SCN2A: variants seen among roughly 807,000 people sequenced by gnomAD.
The protein encoded by SCN2A is sodium channel protein type 2 subunit alpha.
A neutral mutation model predicts 188.7 loss-of-function variants in SCN2A; 20 were observed. The ratio of observed to expected loss-of-function variants is 0.11; its 90% CI spans 0.07 to 0.15. SCN2A has a LOEUF of 0.15. Among genes scored for constraint, SCN2A ranks in the 10% least tolerant of loss-of-function variants. The pLI is 1.00. For missense variants in SCN2A, 1,278 were observed against 2,445.0 expected, an observed-to-expected ratio of 0.52 and a Z score of 10.07; for synonymous variants, 804 against 833.1, an observed-to-expected ratio of 0.97 and a Z score of 0.60.
At chr2:165,247,840 T>C (rs1041614205) in intron 1 of SCN2A, among the ~76,000 whole-genome samples, 2 of 152,194 alleles carry the variant, frequency 1.3e-5, no homozygotes, top group Admixed American at 6.5e-5. Flanking sequence ...TAGAAGACAC[T>C]GAAAAGTTAA....
intron 25 of SCN2A, among the ~76,000 whole-genome samples, chr2:165,383,399 CT>C (rs1407891566): frequency 1.3e-5 from 2 of 152,092 alleles, no homozygotes; most frequent in Non-Finnish European, 2.9e-5. Context: ...TGTAGGAGGG[CT>C]GGTGAGACTG....
intron 11 of SCN2A, among the ~76,000 whole-genome samples, chr2:165,322,822 A>G (rs1002985573): frequency 4.6e-5 from 7 of 152,208 alleles, no homozygotes; most frequent in African/African-American, 1.7e-4. Flanking sequence ...AGAAGGGTCT[A>G]TCAACAGTAT....
At chr2:165,294,480 T>C (rs1028289036) in intron 1 of SCN2A, among the ~76,000 whole-genome samples, 3 of 152,198 alleles carry the variant, frequency 2.0e-5, no homozygotes, top group Non-Finnish European at 4.4e-5. Context: ...TAAATAAAAC[T>C]GTGCAGTAGT....
intron 20 of SCN2A, chr2:165,372,901 CT>C (rs1395651293): frequency 7.6e-6 from 2 of 263,372 alleles, no homozygotes; most frequent in Non-Finnish European, 1.5e-5. Context: ...ATTTCTCTCT[CT>C]TTTTTTTCTT....
chr2:165,243,276 C>T (rs1237626548), intron 1 of SCN2A, among the ~76,000 whole-genome samples: 2 of 152,074 alleles, frequency 1.3e-5, no homozygotes, highest in African/African-American at 2.4e-5. Context: ...CCTTCAGTTT[C>T]ATTAGCACGT....
chr2:165,253,686 G>A (rs1279829553), intron 1 of SCN2A, among the ~76,000 whole-genome samples: 1 of 151,946 alleles, frequency 6.6e-6, no homozygotes, highest in African/African-American at 2.4e-5. Flanking sequence ...GCAGACTCTG[G>A]TCTATATAGT....
At chr2:165,329,460 T>G (rs1698557216) in intron 13 of SCN2A, among the ~76,000 whole-genome samples, 1 of 152,200 alleles carries the variant, frequency 6.6e-6, no homozygotes, top group Non-Finnish European at 1.5e-5. Context: ...TTGCTTTGTT[T>G]TAAAGTGTGA....
At chr2:165,249,982 C>G (rs1156279502) in intron 1 of SCN2A, among the ~76,000 whole-genome samples, 3 of 151,998 alleles carry the variant, frequency 2.0e-5, no homozygotes, top group African/African-American at 7.2e-5. Context: ...CTAATCAAAT[C>G]TAACTCAAAC....
Position 165,315,740 on chromosome 2 carries a change from A to G in SCN2A, c.1653A>G (p.Arg551=). 5.6e-6 allele frequency: 9 copies of G among 1,612,210 alleles called. No homozygotes were observed. Among genetic ancestry groups the G allele is most frequent in the Non-Finnish European group, 7.6e-6 (9 of 1,178,976 alleles). Residue 551 remains arginine (R), a synonymous_variant, in exon 11 of 27, where the codon AGA becomes AGG. Transcript: ENST00000375437. ...LEGSRLTYEK[R]FSSPHQSLLS... Reference sequence around the variant, plus strand: ...GAAGTAGGCTGACATATGAAAAGAGATTTTCTTCTCCACACCAGGTAAAAA... The same window carrying G: ...GAAGTAGGCTGACATATGAAAAGAGGTTTTCTTCTCCACACCAGGTAAAAA...
chr2:165,251,540 A>G (rs1215560066), intron 1 of SCN2A, among the ~76,000 whole-genome samples: 1 of 151,914 alleles, frequency 6.6e-6, no homozygotes, highest in Admixed American at 6.6e-5. Context: ...CTATGCCATG[A>G]GTGAGGTAAG....
intron 17 of SCN2A, among the ~76,000 whole-genome samples, chr2:165,358,157 T>G (rs1281816536): frequency 2.0e-5 from 3 of 152,204 alleles, no homozygotes; most frequent in Non-Finnish European, 4.4e-5. Context: ...GTTACAGAGT[T>G]TTGAACATAT....
chr2:165,297,291 A>G (rs1036583866), intron 3 of SCN2A, among the ~76,000 whole-genome samples, 156 bp downstream of exon 3: 12 of 152,208 alleles, frequency 7.9e-5, no homozygotes, highest in African/African-American at 2.9e-4. Flanking sequence ...ATGAGATCAC[A>G]GGTAAGTGAA....
intron 14 of SCN2A, among the ~76,000 whole-genome samples, chr2:165,339,716 A>G (rs768020376): frequency 5.9e-5 from 9 of 152,218 alleles, no homozygotes; most frequent in Non-Finnish European, 8.8e-5. Context: ...ATTCAATATT[A>G]TTAAGAAATT....
intron 16 of SCN2A, among the ~76,000 whole-genome samples, chr2:165,351,229 T>C (rs1442334135): frequency 6.6e-6 from 1 of 152,180 alleles, no homozygotes; most frequent in African/African-American, 2.4e-5. Flanking sequence ...TGAAAGTTAG[T>C]GTCTAGTGGG....
At chr2:165,329,879 A>T (rs1262592131) in intron 13 of SCN2A, among the ~76,000 whole-genome samples, 1 of 152,224 alleles carries the variant, frequency 6.6e-6, no homozygotes, top group African/African-American at 2.4e-5. Flanking sequence ...TTACAAAGTT[A>T]TGTATTAAGG....
At chr2:165,359,908 T>C (rs1184059973) in intron 17 of SCN2A, among the ~76,000 whole-genome samples, 1 of 151,990 alleles carries the variant, frequency 6.6e-6, no homozygotes, top group Non-Finnish European at 1.5e-5. Context: ...TTATTTGTGG[T>C]TTTAAAAATG....
chr2:165,308,640 ATG>A (rs1408300243), intron 4 of SCN2A, 24 bp from the exon 5 acceptor site: 2 of 1,607,798 alleles, frequency 1.2e-6, no homozygotes, highest in Non-Finnish European at 1.7e-6. Flanking sequence ...TAGATTTTTA[ATG>A]TGAGCTTGGC....
intron 1 of SCN2A, chr2:165,285,986 A>G (rs1182210569): frequency 4.8e-6 from 1 of 208,890 alleles, no homozygotes; most frequent in Non-Finnish European, 1.0e-5. Context: ...GCTCTGTGCC[A>G]CAGATGAAGA....
At chr2:165,318,944 A>G (rs536440345) in intron 11 of SCN2A, among the ~76,000 whole-genome samples, 1 of 152,344 alleles carries the variant, frequency 6.6e-6, no homozygotes, top group South Asian at 2.1e-4. Context: ...AAATGATAAA[A>G]GAAAAGAATG....
Sources: allele counts gnomAD v4.1 joint callset (sites outside exome capture counted in the v4.1 genomes callset), GRCh38; gene constraint gnomAD v4.1.1; transcripts MANE v1.5; gene names NCBI Gene and HGNC (gene_info 2026-07-23, HGNC 2026-07-21).